CDIP1: variants seen among roughly 807,000 people sequenced by gnomAD.
CDIP1 encodes cell death-inducing p53-target protein 1.
A neutral mutation model predicts 17.7 loss-of-function variants in CDIP1; 9 were observed. The observed-to-expected ratio is 0.51, with a 90% CI of 0.31 to 0.89. The LOEUF is 0.89. CDIP1 is among the 40% of genes least tolerant of loss of function. CDIP1 has a pLI of 0.05. For synonymous variants in CDIP1, 117 were observed against 109.5 expected, an observed-to-expected ratio of 1.07 and a Z score of -0.43; for missense variants, 263 against 277.9, an observed-to-expected ratio of 0.95 and a Z score of 0.38.
At chr16:4,529,173 G>T (rs892169143) in intron 1 of CDIP1, among the ~76,000 whole-genome samples, 4 of 152,108 alleles carry the variant, frequency 2.6e-5, no homozygotes, top group South Asian at 2.1e-4. Flanking sequence ...TTGGTCAAAT[G>T]AGTCAGTTCT....
chr16:4,528,924 G>A (rs1333021693), intron 1 of CDIP1, among the ~76,000 whole-genome samples: 1 of 152,152 alleles, frequency 6.6e-6, no homozygotes, highest in Non-Finnish European at 1.5e-5. Context: ...AGGAGGCAGA[G>A]GTTGCAGTAA....
chr16:4,526,383 C>A (rs1292498269), intron 1 of CDIP1, among the ~76,000 whole-genome samples: 2 of 151,860 alleles, frequency 1.3e-5, no homozygotes, highest in East Asian at 1.9e-4. Context: ...CCAGCCCGGG[C>A]AATAGTCTGA....
chr16:4,522,000 C>A (rs572150029), intron 1 of CDIP1, among the ~76,000 whole-genome samples: 6 of 152,204 alleles, frequency 3.9e-5, no homozygotes, highest in Admixed American at 2.0e-4. Context: ...CAGGTATTGA[C>A]GCCTCTGCCA....
At chr16:4,527,066 A>G (rs1328037090) in intron 1 of CDIP1, among the ~76,000 whole-genome samples, 1 of 151,164 alleles carries the variant, frequency 6.6e-6, no homozygotes, top group Non-Finnish European at 1.5e-5. Flanking sequence ...GAGGAAGTAC[A>G]CGAGAAAAAA....
intron 1 of CDIP1, among the ~76,000 whole-genome samples, chr16:4,533,824 C>T (rs2059079203): frequency 6.6e-6 from 1 of 151,910 alleles, no homozygotes; most frequent in African/African-American, 2.4e-5. Context: ...TGTCCCTTGT[C>T]TTATCTCCCC....
At chr16:4,518,651 T>C (rs1051962298) in intron 1 of CDIP1, among the ~76,000 whole-genome samples, 2 of 152,158 alleles carry the variant, frequency 1.3e-5, no homozygotes, top group African/African-American at 4.8e-5. Context: ...GGAAAACAGC[T>C]CATGAAGATT....
intron 1 of CDIP1, among the ~76,000 whole-genome samples, chr16:4,537,480 G>C (rs989844335): frequency 6.6e-6 from 1 of 152,166 alleles, no homozygotes; most frequent in African/African-American, 2.4e-5. Context: ...GAACCCAGGA[G>C]AGCAGTAACT....
At chr16:4,523,287 G>C (rs920035882) in intron 1 of CDIP1, among the ~76,000 whole-genome samples, 8 of 152,170 alleles carry the variant, frequency 5.3e-5, no homozygotes, top group African/African-American at 1.9e-4. Flanking sequence ...AGGCTGAGGA[G>C]GGCGGATTAC....
chr16:4,528,899 G>T (rs1354740198), intron 1 of CDIP1, among the ~76,000 whole-genome samples: 1 of 152,018 alleles, frequency 6.6e-6, no homozygotes, highest in Non-Finnish European at 1.5e-5. Context: ...TGAGGCAAAA[G>T]AATTACTTGA....
intron 1 of CDIP1, among the ~76,000 whole-genome samples, chr16:4,530,510 G>A (rs777300132): frequency 4.6e-5 from 7 of 152,204 alleles, no homozygotes; most frequent in South Asian, 4.2e-4. Flanking sequence ...TTAGCCGGGC[G>A]TGGTGGCACA....
Position 4,515,570 on chromosome 16 carries a change from GAACTC to G in CDIP1, c.-104-911_-104-907del, listed in dbSNP as rs369090859. On this transcript the variant is annotated intron_variant, in intron 1 of 5. Transcript: ENST00000567695. ...AAGGACTTGTATTAAGAAATACAAA[GAACTC>G]AACTCAATAACAGAAAGACAACCCA... Among the ~76,000 whole-genome samples, 41 of 152,226 alleles carry G rather than the reference GAACTC, an allele frequency of 2.7e-4. No individual in the cohort carries two copies. The East Asian group carries it at 5.8e-3, about 21-fold the overall frequency.
At position 4,512,717 on chromosome 16, in the gene CDIP1, C is replaced by T. The variant is rs1596483637; in HGVS notation, c.516-34G>A. 1.2e-6 allele frequency: 2 copies of T among 1,608,510 alleles called. No homozygotes were observed. The highest frequency in any genetic ancestry group is 1.7e-6 in the Non-Finnish European group (2 of 1,175,536). On this transcript the variant is annotated intron_variant, in intron 5 of 5. Coordinates refer to ENST00000567695, the MANE Select transcript of CDIP1 (RefSeq NM_013399.3). The surrounding 1 kb of genome is among the most constrained non-coding windows in gnomAD (Gnocchi z 4.6). ...GAGACAGGGAAGAACAGGCTGAGGC[C>T]TGCTGCGGAGGAGGCAGAGGCAGCC...
intron 1 of CDIP1, among the ~76,000 whole-genome samples, chr16:4,518,889 G>T (rs2058915530): frequency 6.6e-6 from 1 of 152,202 alleles, no homozygotes; most frequent in Non-Finnish European, 1.5e-5. Context: ...GCTGTGGGAA[G>T]GTGCTGGTGA....
chr16:4,515,776 A>C (rs1008533277), intron 1 of CDIP1, among the ~76,000 whole-genome samples: 2 of 152,150 alleles, frequency 1.3e-5, no homozygotes, highest in African/African-American at 4.8e-5. Flanking sequence ...ATGTAGAAAA[A>C]CTGGAACCCT....
Position 4,517,318 on chromosome 16 carries a change from C to T in CDIP1, c.-104-2654G>A, listed in dbSNP as rs999756738. On this transcript the variant is annotated intron_variant, in intron 1 of 5. Transcript: ENST00000567695. ...AGAAATTACACCTCTTCTGAGTTGC[C>T]TTATTATCCACAGAAGACATGGAGG... is the stretch of plus-strand genomic sequence containing the variant. Among the ~76,000 whole-genome samples, 3 of 152,160 alleles carry T rather than the reference C, an allele frequency of 2.0e-5. No individual in the cohort carries two copies. The East Asian group carries it at 5.8e-4, about 29-fold the overall frequency.
chr16:4,531,749 T>A (rs2059058791), intron 1 of CDIP1, among the ~76,000 whole-genome samples: 1 of 152,228 alleles, frequency 6.6e-6, no homozygotes. Flanking sequence ...CTGTTTCTTT[T>A]CTCACACATT....
chr16:4,529,316 G>A (rs1442722710), intron 1 of CDIP1, among the ~76,000 whole-genome samples: 2 of 152,208 alleles, frequency 1.3e-5, no homozygotes, highest in African/African-American at 4.8e-5. Flanking sequence ...TGACCAAAGA[G>A]GGCTGGTAAG....
rs935114976 is a variant in CDIP1, at chr16:4,512,050, C to A, written c.*522G>T. 1.7e-4 allele frequency: 27 copies of A among 162,194 alleles called. No individual in the cohort carries two copies. Among genetic ancestry groups the A allele is most frequent in the Non-Finnish European group, 2.9e-4 (21 of 73,182 alleles). 10.0% of individuals were successfully genotyped at this position (162,194 alleles called of 1,614,324 possible). A position where few individuals can be genotyped will look rare whatever the true frequency, so the allele number is the denominator to read the frequency against. On this transcript the variant is annotated 3_prime_UTR_variant, in exon 6 of 6. Transcript: ENST00000567695. This position sits in a 1 kb window ranked among gnomAD's most constrained non-coding sequence, Gnocchi z 4.6. Reference sequence around the variant, plus strand: ...AGCCACCATGCCCCACCTCTAGCACCCCAGAGGCGCAAAGTACCCAGAAAC... The same window carrying A: ...AGCCACCATGCCCCACCTCTAGCACACCAGAGGCGCAAAGTACCCAGAAAC...
At chr16:4,528,683 CAAAAAAAAAA>C (rs374609894) in intron 1 of CDIP1, among the ~76,000 whole-genome samples, 5 of 50,936 alleles carry the variant, frequency 9.8e-5, no homozygotes, top group Admixed American at 2.8e-4. Flanking sequence ...AACCCTGTCT[CAAAAAAAAAA>C]AAAAAAAAAA....
Sources: gnomAD v4.1 joint callset for allele counts (sites outside exome capture counted in the v4.1 genomes callset) on GRCh38, gnomAD v4.1.1 for gene constraint, Gnocchi (gnomAD v3.1) non-coding constraint, MANE v1.5 for transcripts, NCBI Gene and HGNC (gene_info 2026-07-23, HGNC 2026-07-21) for gene names.